ABCB1: variants seen among roughly 807,000 people sequenced by gnomAD.
ABCB1 encodes ATP binding cassette subfamily B member 1, also known as ATP-dependent translocase ABCB1.
A neutral mutation model predicts 142.0 loss-of-function variants in ABCB1; 69 were observed. The observed-to-expected ratio is 0.49, with a 90% CI of 0.40 to 0.59. ABCB1 has a LOEUF of 0.59. Among genes scored for constraint, ABCB1 ranks in the 20% least tolerant of loss-of-function variants. The pLI is 0.00. For synonymous variants in ABCB1, 532 were observed against 539.2 expected, an observed-to-expected ratio of 0.99 and a Z score of 0.18; for missense variants, 1,326 against 1,554.7, an observed-to-expected ratio of 0.85 and a Z score of 2.47.
chr7:87,655,143 A>G (rs1278027222), intron 1 of ABCB1, among the ~76,000 whole-genome samples: 1 of 152,118 alleles, frequency 6.6e-6, no homozygotes, highest in Non-Finnish European at 1.5e-5. Flanking sequence ...TTAAAAATAG[A>G]ACTGCCATTA....
At chr7:87,552,129 T>C (rs958255308) in intron 9 of ABCB1, among the ~76,000 whole-genome samples, 6 of 152,228 alleles carry the variant, frequency 3.9e-5, no homozygotes, top group Admixed American at 2.0e-4. Context: ...CTTTATCAGG[T>C]TGTCTTTTTT....
chr7:87,553,899 A>G lies in ABCB1; in HGVS notation c.861T>C (p.Ile287=). ...YNKNLEEAKR[I]GIKKAITANI... Reference sequence around the variant, plus strand: ...TGGCTGTAATAGCTTTCTTTATCCCAATTCTTTTAGCTTCTTCTAAATTTT... The same window carrying G: ...TGGCTGTAATAGCTTTCTTTATCCCGATTCTTTTAGCTTCTTCTAAATTTT... Residue 287 remains isoleucine, a synonymous_variant, in exon 9 of 28, where the codon ATT becomes ATC. Coordinates refer to ENST00000622132, the MANE Select transcript of ABCB1 (RefSeq NM_001348946.2). 3 of 1,614,014 alleles carry G rather than the reference A, an allele frequency of 1.9e-6. No individual in the cohort carries two copies. The highest frequency in any genetic ancestry group is 2.5e-6 in the Non-Finnish European group (3 of 1,179,924).
intron 20 of ABCB1, among the ~76,000 whole-genome samples, chr7:87,534,365 C>G (rs1207684485): frequency 6.6e-6 from 1 of 152,190 alleles, no homozygotes; most frequent in Non-Finnish European, 1.5e-5. Flanking sequence ...CTAATGCTCA[C>G]TGTCTCATGT....
At chr7:87,607,364 A>T (rs1819692981) in intron 1 of ABCB1, among the ~76,000 whole-genome samples, 1 of 152,184 alleles carries the variant, frequency 6.6e-6, no homozygotes, top group Non-Finnish European at 1.5e-5. Flanking sequence ...GTGAGGGTAG[A>T]AATCTTGTCT....
upstream of ABCB1, among the ~76,000 whole-genome samples, chr7:87,604,276 T>A (rs1392708135): frequency 1.3e-5 from 2 of 152,116 alleles, no homozygotes; most frequent in African/African-American, 4.8e-5. Flanking sequence ...ATTTAGCCCA[T>A]CTGAGTCCAG....
chr7:87,518,562 T>C (rs1157212814), intron 23 of ABCB1, among the ~76,000 whole-genome samples: 2 of 152,144 alleles, frequency 1.3e-5, no homozygotes, highest in Non-Finnish European at 2.9e-5. Flanking sequence ...CAACTCAATG[T>C]TTAAAAAGGA....
At chr7:87,673,519 T>C (rs12540931) in intron 1 of ABCB1, among the ~76,000 whole-genome samples, 14,380 of 152,282 alleles carry the variant, frequency 0.094, 813 homozygotes, top group African/African-American at 0.16. Flanking sequence ...TTAATACTTG[T>C]GATTATATTA....
At chr7:87,549,668 A>AC in intron 13 of ABCB1, 150 bp from the exon 14 acceptor site, 1 of 1,404,972 alleles carries the variant, frequency 7.1e-7, no homozygotes, top group East Asian at 2.3e-5. Flanking sequence ...AACCAACCTC[A>AC]GTTTTTAAAA....
chr7:87,629,031 C>A, intron 1 of ABCB1: 1 of 1,206,022 alleles, frequency 8.3e-7, no homozygotes, highest in Non-Finnish European at 1.1e-6. Context: ...GGGTCCCGGG[C>A]ATGATGGGCT....
chr7:87,615,458 T>C (rs771211795), intron 1 of ABCB1, among the ~76,000 whole-genome samples: 1 of 152,018 alleles, frequency 6.6e-6, no homozygotes, highest in Non-Finnish European at 1.5e-5. Flanking sequence ...TCACTCTGAG[T>C]GAGAGAGAAA....
intron 1 of ABCB1, among the ~76,000 whole-genome samples, chr7:87,668,859 G>T (rs1825539808): frequency 6.6e-6 from 1 of 152,076 alleles, no homozygotes; most frequent in South Asian, 2.1e-4. Context: ...TATGATTTCA[G>T]TTCTTTTACA....
At chr7:87,655,859 CATG>C (rs1824049140) in intron 1 of ABCB1, among the ~76,000 whole-genome samples, 1 of 152,102 alleles carries the variant, frequency 6.6e-6, no homozygotes, top group Non-Finnish European at 1.5e-5. Context: ...GCAGAGCCCT[CATG>C]AGTGGATTAA....
chr7:87,682,830 A>G (rs1175058939), intron 1 of ABCB1, among the ~76,000 whole-genome samples: 2 of 152,214 alleles, frequency 1.3e-5, no homozygotes, highest in Non-Finnish European at 2.9e-5. Context: ...TTAGCCCCTA[A>G]TAAGAGAGTC....
At chr7:87,632,538 C>T (rs1483888882) in intron 1 of ABCB1, among the ~76,000 whole-genome samples, 1 of 152,128 alleles carries the variant, frequency 6.6e-6, no homozygotes, top group Non-Finnish European at 1.5e-5. Flanking sequence ...ATCTTACACA[C>T]TCAACTTCAA....
At chr7:87,521,525 C>T in intron 21 of ABCB1, 1 of 756,250 alleles carries the variant, frequency 1.3e-6, no homozygotes, top group South Asian at 1.4e-5. Context: ...GGAGGTTGAG[C>T]TCTACATTGG....
At chr7:87,537,234 G>A (rs1009142098) in intron 19 of ABCB1, among the ~76,000 whole-genome samples, 5 of 152,306 alleles carry the variant, frequency 3.3e-5, no homozygotes, top group African/African-American at 7.2e-5. Context: ...GGAAAAAGGC[G>A]GTTATAGGAG....
chr7:87,548,184 GGGAAA>G (rs1816883454), intron 14 of ABCB1, among the ~76,000 whole-genome samples: 3 of 104,880 alleles, frequency 2.9e-5, no homozygotes, highest in African/African-American at 3.8e-5. Flanking sequence ...GGGAAGGGAA[GGGAAA>G]GGAAGGGAAG....
intron 1 of ABCB1, among the ~76,000 whole-genome samples, chr7:87,610,447 C>T (rs1317188922): frequency 7.0e-6 from 1 of 141,934 alleles, no homozygotes; most frequent in Non-Finnish European, 1.5e-5. Flanking sequence ...GCCTGTGTAG[C>T]CCAGGCTGGT....
At chr7:87,650,986 T>A in intron 1 of ABCB1, 1 of 1,080,012 alleles carries the variant, frequency 9.3e-7, no homozygotes, top group South Asian at 1.3e-5. Flanking sequence ...GTCTTTATAA[T>A]AAGCTTGAAA....
Sources: gnomAD v4.1 joint callset for allele counts (sites outside exome capture counted in the v4.1 genomes callset) on GRCh38, gnomAD v4.1.1 for gene constraint, MANE v1.5 for transcripts, NCBI Gene and HGNC (gene_info 2026-07-23, HGNC 2026-07-21) for gene names.